CEP41: variants seen among roughly 807,000 people sequenced by gnomAD.
CEP41 encodes centrosomal protein 41.
A neutral mutation model predicts 44.3 loss-of-function variants in CEP41; 32 were observed. The observed-to-expected ratio is 0.72, with a 90% CI of 0.54 to 0.97. The LOEUF is 0.97. Among genes scored for constraint, CEP41 ranks in the 50% least tolerant of loss-of-function variants. The pLI is 0.00. For missense variants in CEP41, 432 were observed against 455.2 expected (o/e 0.95, Z 0.46); for synonymous variants, 151 against 168.5 (o/e 0.90, Z 0.80).
At chr7:130,440,691 C>T (rs1798123011) in intron 1 of CEP41, 4 of 605,576 alleles carry the variant, frequency 6.6e-6, no homozygotes, top group South Asian at 5.9e-5. Flanking sequence ...GTACTTCGCT[C>T]CTCGCAGTCA....
At chr7:130,417,713 T>A (rs1554421161) in intron 2 of CEP41, among the ~76,000 whole-genome samples, 1 of 152,250 alleles carries the variant, frequency 6.6e-6, no homozygotes, top group Non-Finnish European at 1.5e-5. Context: ...GGGGCTATTA[T>A]ATTTTACTGG....
At chr7:130,438,254 C>G (rs1358884703) in intron 1 of CEP41, among the ~76,000 whole-genome samples, 3 of 152,164 alleles carry the variant, frequency 2.0e-5, no homozygotes, top group Admixed American at 6.5e-5. Context: ...TAGTTTAGAT[C>G]TCTATCAAAA....
rs781923125 is a variant in CEP41, at chr7:130,401,967, G to A, written c.575-19C>T. ...CTGTAAGCTGCAAAGAGAAGAAAAA[G>A]TTTAGGAAGTCTGTTGTTCTCTTAA... On this transcript the variant is annotated intron_variant, in intron 7 of 10. Transcript: ENST00000223208. 13 of 1,568,814 alleles carry A rather than the reference G, an allele frequency of 8.3e-6. No homozygotes were observed. Among genetic ancestry groups the A allele is most frequent in the Non-Finnish European group, 1.1e-5 (12 of 1,138,978 alleles).
At chr7:130,408,348 C>G (rs986327260) in intron 5 of CEP41, among the ~76,000 whole-genome samples, 1 of 151,950 alleles carries the variant, frequency 6.6e-6, no homozygotes, top group Admixed American at 6.6e-5. Context: ...TATTGTTCTC[C>G]GTTGTACAAA....
rs186679809 is a variant in CEP41 at position 130,416,245 on chromosome 7, C to A, written c.145+674G>T. 1.2e-3 allele frequency among the ~76,000 whole-genome samples: 190 copies of A among 152,338 alleles called. 1 individual carries two copies. Among genetic ancestry groups the A allele is most frequent in the African/African-American group, 4.4e-3 (181 of 41,580 alleles). On this transcript the variant is annotated intron_variant, in intron 3 of 10. Transcript: ENST00000223208. The stretch of plus-strand genomic sequence containing the variant: ...TCTCTTATTCAAGATATGAGCAAAT[C>A]CATCTTAGAAAATAGATGTTTCTAC...
chr7:130,416,745 C>T (rs1308077510), intron 3 of CEP41, among the ~76,000 whole-genome samples, 174 bp downstream of exon 3: 4 of 152,188 alleles, frequency 2.6e-5, no homozygotes, highest in Non-Finnish European at 4.4e-5. Flanking sequence ...ATCTGAGAAG[C>T]AGCCCAGTAC....
intron 3 of CEP41, 59 bp downstream of exon 3, chr7:130,416,860 C>T: frequency 7.7e-7 from 1 of 1,298,656 alleles, no homozygotes; most frequent in Middle Eastern, 1.8e-4. Context: ...TAGTTAAGAA[C>T]CAATTTATAG....
At position 130,396,464 on chromosome 7, in the gene CEP41, C is replaced by T. The variant is rs1275188680; in HGVS notation, c.*2427G>A. ...AAATCACACCAGTCTCCTGTGGCTC[C>T]CCCAAATCATCTCGACAGAAAAGAA... On this transcript the variant is annotated 3_prime_UTR_variant, in exon 11 of 11. Transcript: ENST00000223208. 2.2e-6 allele frequency: 1 copy of T among 454,478 alleles called. No individual in the cohort carries two copies. Among genetic ancestry groups the T allele is most frequent in the Non-Finnish European group, 4.4e-6 (1 of 226,782 alleles). 28.2% of individuals were successfully genotyped at this position (454,478 alleles called of 1,614,324 possible). A position where few individuals can be genotyped will look rare whatever the true frequency, so the allele number is the denominator to read the frequency against.
In CEP41 at chr7:130,397,952, C is replaced by T. The variant is rs1796719126; in HGVS notation, c.*939G>A. On this transcript the variant is annotated 3_prime_UTR_variant, in exon 11 of 11. Coordinates refer to ENST00000223208, the MANE Select transcript of CEP41 (RefSeq NM_018718.3). ...TCTAAGCAAGGGCTTACGAGGTTGT[C>T]AGCCCTGACAAAGGACTTCGGAGTC... 1 of 454,530 alleles carries T rather than the reference C, an allele frequency of 2.2e-6. No homozygotes were observed. The allele number at this position is 454,530 out of a possible 1,614,324, so 28.2% of individuals were successfully genotyped here.
intron 5 of CEP41, among the ~76,000 whole-genome samples, chr7:130,407,425 C>G (rs1249723179): frequency 1.3e-5 from 2 of 151,862 alleles, no homozygotes; most frequent in Admixed American, 1.3e-4. Context: ...TATATACATA[C>G]ATAATTAGGG....
Position 130,394,074 on chromosome 7 carries a change from A to T in CEP41, c.*4817T>A. The T allele has an allele frequency of 2.2e-6, 1 of 454,096 alleles. No homozygotes were observed. Among genetic ancestry groups the T allele is most frequent in the Non-Finnish European group, 4.4e-6 (1 of 226,788 alleles). The allele number at this position is 454,096 out of a possible 1,614,324, so 28.1% of individuals were successfully genotyped here. ...AAAGTTTTCAAAAGAATCTCGGCTG[A>T]CTAGGAGGGAAGGGAAGCCAATAGC... On this transcript the variant is annotated 3_prime_UTR_variant, in exon 11 of 11. Coordinates refer to ENST00000223208, the MANE Select transcript of CEP41 (RefSeq NM_018718.3).
intron 1 of CEP41, among the ~76,000 whole-genome samples, chr7:130,432,915 G>C (rs1554425418): frequency 6.6e-6 from 1 of 152,136 alleles, no homozygotes; most frequent in East Asian, 1.9e-4. Flanking sequence ...ATGCTGAGGA[G>C]AGTGCAGACT....
intron 2 of CEP41, chr7:130,426,757 G>C: frequency 2.3e-6 from 1 of 434,112 alleles, no homozygotes; most frequent in South Asian, 1.6e-5. Flanking sequence ...GGAACAGTAC[G>C]GCCTAAGAAA....
intron 6 of CEP41, 143 bp from the exon 7 acceptor site, chr7:130,402,942 C>T: frequency 1.2e-6 from 1 of 859,642 alleles, no homozygotes; most frequent in East Asian, 2.4e-5. Flanking sequence ...GACGTGGTGT[C>T]TCAGTTCTGC....
intron 2 of CEP41, among the ~76,000 whole-genome samples, chr7:130,427,494 A>C (rs1554423958): frequency 6.6e-6 from 1 of 152,162 alleles, no homozygotes; most frequent in African/African-American, 2.4e-5. Context: ...TAAAAAAAAA[A>C]CACAATTCAT....
Position 130,400,147 on chromosome 7 carries a change from G to A in CEP41, c.865C>T (p.Pro289Ser), listed in dbSNP as rs1554416491. ...TCAGCTGGTAGGGGTGGCCCTTTGGGGCTGGATCGTTTCCGGGCAGACCCA... is the reference window on the plus strand; with the variant it reads ...TCAGCTGGTAGGGGTGGCCCTTTGGAGCTGGATCGTTTCCGGGCAGACCCA... ...PPGSARKRSSPKGPPLPAENK... is the reference protein window; with the variant it reads ...PPGSARKRSSSKGPPLPAENK... The change falls in exon 10 of 11, where the codon CCC (proline) becomes TCC (serine). Residue 289 changes from proline (P) to serine (S), a missense_variant. Transcript: ENST00000223208. The A allele has an allele frequency of 6.2e-7, 1 of 1,613,796 alleles. No homozygotes were observed. The highest frequency in any genetic ancestry group is 1.7e-5 in the Admixed American group (1 of 60,016).
At position 130,396,520 on chromosome 7, in the gene CEP41, T is replaced by C. The variant is rs782667875; in HGVS notation, c.*2371A>G. ...AAGTTGGCAGTTTTCAGCATATTAA[T>C]AGCAAACGACAAATTAGTAACTATG... is the stretch of plus-strand genomic sequence containing the variant. On this transcript the variant is annotated 3_prime_UTR_variant, in exon 11 of 11. Transcript: ENST00000223208. 3 of 454,456 alleles carry C rather than the reference T, an allele frequency of 6.6e-6. No homozygotes were observed. The highest frequency in any genetic ancestry group is 1.6e-5 in the South Asian group (1 of 64,482). The allele number at this position is 454,456 out of a possible 1,614,324, so 28.2% of individuals were successfully genotyped here.
chr7:130,406,865 T>C (rs1019363990), intron 5 of CEP41, among the ~76,000 whole-genome samples: 2 of 151,872 alleles, frequency 1.3e-5, no homozygotes, highest in African/African-American at 4.8e-5. Context: ...ATATACCTAA[T>C]GTAAATGACA....
intron 6 of CEP41, 100 bp downstream of exon 6, chr7:130,404,464 G>A: frequency 1.1e-6 from 1 of 940,008 alleles, no homozygotes; most frequent in East Asian, 2.4e-5. Flanking sequence ...ACTCCTGCCA[G>A]TTCTGTTTCT....
Sources: gnomAD v4.1 joint callset for allele counts (sites outside exome capture counted in the v4.1 genomes callset) on GRCh38, gnomAD v4.1.1 for gene constraint, MANE v1.5 for transcripts, NCBI Gene and HGNC (gene_info 2026-07-23, HGNC 2026-07-21) for gene names.